The following TSPAN3 variants were observed in gnomAD, a reference collection of about 807,000 sequenced individuals.
The protein encoded by TSPAN3 is tetraspanin-3.
TSPAN3 carries 9 observed loss-of-function variants against 31.1 expected under a neutral mutation model. The observed-to-expected ratio is 0.29, with a 90% CI of 0.17 to 0.50. The LOEUF (loss-of-function observed/expected upper bound fraction) is 0.50, where lower values mean the gene tolerates loss of function less well. Among genes scored for constraint, TSPAN3 ranks in the 20% least tolerant of loss-of-function variants. TSPAN3 has a pLI of 0.98. For missense variants in TSPAN3, 252 were observed against 313.5 expected, an observed-to-expected ratio of 0.80 and a Z score of 1.48; for synonymous variants, 129 against 114.3, an observed-to-expected ratio of 1.13 and a Z score of -0.82.
At chr15:77,070,631 G>C (rs1488757458) in intron 1 of TSPAN3, among the ~76,000 whole-genome samples, 2 of 151,980 alleles carry the variant, frequency 1.3e-5, no homozygotes, top group Non-Finnish European at 1.5e-5. Flanking sequence ...CGCGTGGGCC[G>C]AGCGCGGAGG....
chr15:77,054,108 T>C (rs1568541038), intron 4 of TSPAN3, 70 bp downstream of exon 4: 1 of 1,059,652 alleles, frequency 9.4e-7, no homozygotes. Context: ...TACACAGAAA[T>C]AGCAGTTAGT....
At chr15:77,055,702 A>T in intron 3 of TSPAN3, 87 bp downstream of exon 3, 1 of 1,038,818 alleles carries the variant, frequency 9.6e-7, no homozygotes, top group Non-Finnish European at 1.4e-6. Context: ...GAAAATGTTT[A>T]CTCTGATAAA....
At chr15:77,063,154 C>T (rs964158368) in intron 1 of TSPAN3, among the ~76,000 whole-genome samples, 1 of 152,162 alleles carries the variant, frequency 6.6e-6, no homozygotes, top group Admixed American at 6.5e-5. Context: ...ATTTTAGGCA[C>T]CTCTGCCAAT....
chr15:77,055,031 T>TC (rs1339492318), intron 3 of TSPAN3: 2 of 137,688 alleles, frequency 1.5e-5, no homozygotes, highest in African/African-American at 5.9e-5. Context: ...ATCCATTGCA[T>TC]TTTTTTTTTA....
Position 77,046,706 on chromosome 15 carries a change from A to C in TSPAN3, c.*129T>G, listed in dbSNP as rs1305623278. On this transcript the variant is annotated 3_prime_UTR_variant, in exon 7 of 7. Coordinates refer to ENST00000267970, the MANE Select transcript of TSPAN3 (RefSeq NM_005724.6). The stretch of plus-strand genomic sequence containing the variant: ...AAGTAGGTGGGCACATGAAAAGCCA[A>C]GCTGCTCTGTCCAACACCAGTGTAC... 7.7e-6 allele frequency: 5 copies of C among 653,108 alleles called. No homozygotes were observed. The highest frequency in any genetic ancestry group is 1.3e-5 in the Non-Finnish European group (5 of 383,060). The allele number at this position is 653,108 out of a possible 1,614,324, so 40.5% of individuals were successfully genotyped here. A position where few individuals can be genotyped will look rare whatever the true frequency, so the allele number is the denominator to read the frequency against.
intron 3 of TSPAN3, 84 bp downstream of exon 3, chr15:77,055,705 C>A (rs956343160): frequency 5.9e-5 from 63 of 1,073,300 alleles, no homozygotes; most frequent in Non-Finnish European, 7.8e-5. Flanking sequence ...AATGTTTACT[C>A]TGATAAAATG....
intron 4 of TSPAN3, among the ~76,000 whole-genome samples, chr15:77,053,752 T>C (rs1486220425): frequency 2.0e-5 from 3 of 152,102 alleles, no homozygotes; most frequent in African/African-American, 7.2e-5. Flanking sequence ...CTTTCTACCT[T>C]TGTGTGTATC....
chr15:77,054,142 G>C (rs374104987), intron 4 of TSPAN3, 36 bp downstream of exon 4: 2 of 1,441,974 alleles, frequency 1.4e-6, no homozygotes, highest in African/African-American at 1.4e-5. Flanking sequence ...AATCGTGATT[G>C]GTCCTCAAAA....
At chr15:77,061,902 C>T (rs1003363740) in intron 1 of TSPAN3, among the ~76,000 whole-genome samples, 2 of 152,174 alleles carry the variant, frequency 1.3e-5, no homozygotes, top group Admixed American at 6.5e-5. Context: ...TCTTGCTTGC[C>T]TGTGTGAACT....
chr15:77,053,300 A>G (rs2076743901), intron 4 of TSPAN3, among the ~76,000 whole-genome samples: 1 of 151,974 alleles, frequency 6.6e-6, no homozygotes, highest in Non-Finnish European at 1.5e-5. Context: ...GTTCAAGACC[A>G]GCCTGACCAA....
In TSPAN3 at chr15:77,042,837, AG is replaced by A. The variant is rs1402299525; in HGVS notation, c.*3997del. 1.3e-5 allele frequency: 2 copies of A among 152,102 alleles called. No individual in the cohort carries two copies. The highest frequency in any genetic ancestry group is 4.8e-5 in the African/African-American group (2 of 41,404). 9.4% of individuals were successfully genotyped at this position (152,102 alleles called of 1,614,324 possible). A position where few individuals can be genotyped will look rare whatever the true frequency, so the allele number is the denominator to read the frequency against. ...TCCAGAGATTTCTTATTAGTTGAAA[AG>A]AAAAAAACAGTAACCATGCTATGGA... On this transcript the variant is annotated 3_prime_UTR_variant, in exon 7 of 7. Transcript: ENST00000267970.
rs1161057081 is a variant in TSPAN3, at chr15:77,042,723, G to C, written c.*4112C>G. On this transcript the variant is annotated 3_prime_UTR_variant, in exon 7 of 7. Coordinates refer to ENST00000267970, the MANE Select transcript of TSPAN3 (RefSeq NM_005724.6). ...GGCAGTCATCATAAAGATTGAATCA[G>C]GCCAGAATCAGCAACATTTGCTGAA... The C allele has an allele frequency of 6.6e-6, 1 of 152,130 alleles. No individual in the cohort carries two copies. The highest frequency in any genetic ancestry group is 1.5e-5 in the Non-Finnish European group (1 of 68,036). 9.4% of individuals were successfully genotyped at this position (152,130 alleles called of 1,614,324 possible). A position where few individuals can be genotyped will look rare whatever the true frequency, so the allele number is the denominator to read the frequency against.
At position 77,052,903 on chromosome 15, in the gene TSPAN3, G is replaced by A; in HGVS notation, c.459C>T (p.Tyr153=). The A allele has an allele frequency of 2.5e-6, 4 of 1,613,896 alleles. No homozygotes were observed. Among genetic ancestry groups the A allele is most frequent in the East Asian group, 2.2e-5 (1 of 44,886 alleles). ...ACCAATCTGTATTTTCCCAGTCTGAGTAGTTGTGAATTCCACAACAATGCA... is the reference window on the plus strand; with the variant it reads ...ACCAATCTGTATTTTCCCAGTCTGAATAGTTGTGAATTCCACAACAATGCA... ...RQLHCCGIHN[Y]SDWENTDWFK... is the part of the protein sequence containing the mutation. The change falls in exon 5 of 7, where the codon TAC becomes TAT. Residue 153 remains tyrosine, a synonymous_variant. Transcript: ENST00000267970.
At position 77,056,209 on chromosome 15, in the gene TSPAN3, G is replaced by C; in HGVS notation, c.110C>G (p.Thr37Ser). The change falls in exon 2 of 7, where the codon ACT (threonine) becomes AGT (serine). Residue 37 changes from threonine to serine, a missense_variant. By Grantham distance (58) the Thr-to-Ser change is moderately conservative (BLOSUM62 1). Coordinates refer to ENST00000267970, the MANE Select transcript of TSPAN3 (RefSeq NM_005724.6). ...AAAGAAGTGGTCATAGTCATCATAA[G>C]TGATGAAGACATAGGCTCCCACATA... ...LCYVGAYVFI[T>S]YDDYDHFFED... 6.2e-7 allele frequency: 1 copy of C among 1,613,346 alleles called. No individual in the cohort carries two copies. The highest frequency in any genetic ancestry group is 8.5e-7 in the Non-Finnish European group (1 of 1,179,774).
chr15:77,048,048 G>A (rs566992013), intron 6 of TSPAN3, among the ~76,000 whole-genome samples: 43 of 152,162 alleles, frequency 2.8e-4, no homozygotes, highest in African/African-American at 1.0e-3. Context: ...GCCCATTCGG[G>A]ATATATATTT....
At position 77,044,937 on chromosome 15, in the gene TSPAN3, G is replaced by C. The variant is rs1403031968; in HGVS notation, c.*1898C>G. The C allele has an allele frequency of 1.3e-5, 2 of 152,142 alleles. No homozygotes were observed. The highest frequency in any genetic ancestry group is 3.9e-4 in the East Asian group (2 of 5,186). The allele number at this position is 152,142 out of a possible 1,614,324, so 9.4% of individuals were successfully genotyped here. On this transcript the variant is annotated 3_prime_UTR_variant, in exon 7 of 7. Coordinates refer to ENST00000267970, the MANE Select transcript of TSPAN3 (RefSeq NM_005724.6). ...CAGGCAGGGGCAAGAGGTGGGATGG[G>C]TCAGTAGTCACATGATAAATCCCCC... is the stretch of plus-strand genomic sequence containing the variant.
intron 1 of TSPAN3, among the ~76,000 whole-genome samples, chr15:77,059,270 G>C (rs879671222): frequency 6.6e-6 from 1 of 152,146 alleles, no homozygotes. Context: ...TTTTAGTGGA[G>C]ACGGGGTTTC....
intron 1 of TSPAN3, among the ~76,000 whole-genome samples, chr15:77,060,954 CT>C (rs2076796880): frequency 6.6e-6 from 1 of 152,184 alleles, no homozygotes. Flanking sequence ...AGCCTATACT[CT>C]AAATTAAGTC....
At chr15:77,069,652 T>C (rs1161239821) in intron 1 of TSPAN3, among the ~76,000 whole-genome samples, 1 of 152,182 alleles carries the variant, frequency 6.6e-6, no homozygotes, top group Non-Finnish European at 1.5e-5. Context: ...TTTTAACATA[T>C]AACCATCCTT....
Sources: gnomAD v4.1 joint callset for allele counts (sites outside exome capture counted in the v4.1 genomes callset) on GRCh38, gnomAD v4.1.1 for gene constraint, MANE v1.5 for transcripts, NCBI Gene and HGNC (gene_info 2026-07-23, HGNC 2026-07-21) for gene names.